The following VEPH1 variants were observed in gnomAD, a reference collection of about 807,000 sequenced individuals.
VEPH1 encodes ventricular zone-expressed PH domain-containing protein homolog 1.
In VEPH1, 80 loss-of-function variants were observed where a neutral mutation model predicts 85.2. The ratio of observed to expected loss-of-function variants is 0.94; its 90% CI spans 0.78 to 1.13. VEPH1 has a LOEUF of 1.13. VEPH1 is among the 50% of genes most tolerant of loss of function. VEPH1 has a pLI of 0.00. For missense variants in VEPH1, 955 were observed against 980.5 expected, an observed-to-expected ratio of 0.97 and a Z score of 0.35; for synonymous variants, 297 against 348.0, an observed-to-expected ratio of 0.85 and a Z score of 1.63.
intron 11 of VEPH1, among the ~76,000 whole-genome samples, chr3:157,293,298 G>A (rs1257243511): frequency 2.0e-5 from 3 of 152,194 alleles, no homozygotes; most frequent in Non-Finnish European, 4.4e-5. Context: ...CATGTGCTAT[G>A]TCCCATTGGC....
In VEPH1 at chr3:157,268,276, CA is replaced by C. The variant is rs150489979; in HGVS notation, c.2129-2615del. ...CTTGAGATCAGGAACAGCCTTAACA[CA>C]GTGCCTGCCGGGCTAGAGCCTCAGT... On this transcript the variant is annotated intron_variant, in intron 12 of 13. Transcript: ENST00000362010. 2.7e-3 allele frequency among the ~76,000 whole-genome samples: 407 copies of C among 152,254 alleles called. 5 individuals are homozygous for C. In the East Asian group the frequency reaches 0.043, roughly 16 times the overall value.
At chr3:157,376,439 G>A (rs1251380230) in intron 7 of VEPH1, among the ~76,000 whole-genome samples, 1 of 152,152 alleles carries the variant, frequency 6.6e-6, no homozygotes, top group African/African-American at 2.4e-5. Context: ...GATGTTGAAG[G>A]GTAGATAGGA....
At position 157,413,977 on chromosome 3, in the gene VEPH1, G is replaced by T; in HGVS notation, c.810C>A (p.Asn270Lys). The T allele has an allele frequency of 6.2e-7, 1 of 1,613,618 alleles. No individual in the cohort carries two copies. The change falls in exon 6 of 14, where the codon AAC (asparagine) becomes AAA (lysine). Residue 270 changes from asparagine to lysine, a missense_variant. By Grantham distance (94) the Asn-to-Lys change is moderately conservative. Transcript: ENST00000362010. ...TCTCTTTCAGCATTGGAAGAAAACT[G>T]TTCAAAGCCACTGGCTCATAGACTG... Reference protein sequence around the residue: ...EIAVYEPVALNSFLPMLKEIG... With the variant: ...EIAVYEPVALKSFLPMLKEIG...
At chr3:157,403,957 A>G (rs1730960525) in intron 6 of VEPH1, among the ~76,000 whole-genome samples, 1 of 152,096 alleles carries the variant, frequency 6.6e-6, no homozygotes, top group Non-Finnish European at 1.5e-5. Flanking sequence ...TCAATTATGG[A>G]TTCTGATTTA....
chr3:157,422,971 T>C (rs1425193080), intron 5 of VEPH1, among the ~76,000 whole-genome samples: 1 of 152,164 alleles, frequency 6.6e-6, no homozygotes, highest in Admixed American at 6.5e-5. Context: ...AAATCCAAGG[T>C]CAATGCCTGT....
chr3:157,361,966 C>G (rs542474147), intron 9 of VEPH1, among the ~76,000 whole-genome samples: 15 of 152,114 alleles, frequency 9.9e-5, no homozygotes, highest in Non-Finnish European at 2.2e-4. Flanking sequence ...TCCACTATGA[C>G]TCAGTAAGAC....
chr3:157,369,119 A>G (rs939017291), intron 7 of VEPH1, among the ~76,000 whole-genome samples: 11 of 147,226 alleles, frequency 7.5e-5, no homozygotes, highest in Non-Finnish European at 1.3e-4. Context: ...AACAACAACA[A>G]CCACCACAAA....
At chr3:157,433,825 G>A (rs868397596) in intron 4 of VEPH1, among the ~76,000 whole-genome samples, 74 of 152,292 alleles carry the variant, frequency 4.9e-4, no homozygotes, top group African/African-American at 1.7e-3. Flanking sequence ...ATGTTTGGTA[G>A]AACTTGTCCA....
chr3:157,427,779 A>C (rs547877740), intron 5 of VEPH1, among the ~76,000 whole-genome samples: 1 of 152,180 alleles, frequency 6.6e-6, no homozygotes, highest in Non-Finnish European at 1.5e-5. Flanking sequence ...TTATGTGTCA[A>C]CTTGACTGGG....
intron 6 of VEPH1, among the ~76,000 whole-genome samples, chr3:157,383,288 C>T (rs1728961458): frequency 6.6e-6 from 1 of 152,180 alleles, no homozygotes; most frequent in South Asian, 2.1e-4. Context: ...CACACAATCC[C>T]CCTCACCTTT....
At chr3:157,435,490 G>A (rs1733496991) in intron 4 of VEPH1, among the ~76,000 whole-genome samples, 1 of 152,298 alleles carries the variant, frequency 6.6e-6, no homozygotes, top group South Asian at 2.1e-4. Context: ...GAGTGGGATT[G>A]TACCTACTGA....
intron 1 of VEPH1, among the ~76,000 whole-genome samples, chr3:157,498,604 G>C (rs201390131): frequency 7.8e-6 from 1 of 127,542 alleles, no homozygotes; most frequent in Non-Finnish European, 1.9e-5. Flanking sequence ...GACTGTGTGA[G>C]ATAATTATTA....
chr3:157,341,601 T>G (rs1248834550), intron 9 of VEPH1, among the ~76,000 whole-genome samples: 4 of 152,152 alleles, frequency 2.6e-5, no homozygotes, highest in Non-Finnish European at 4.4e-5. Flanking sequence ...AAAACACTCT[T>G]CAGGATATTA....
intron 4 of VEPH1, among the ~76,000 whole-genome samples, chr3:157,433,642 A>C (rs1733335394): frequency 6.6e-6 from 1 of 152,232 alleles, no homozygotes; most frequent in South Asian, 2.1e-4. Flanking sequence ...TACTTTATTT[A>C]GAGCTGTTGC....
At position 157,265,849 on chromosome 3, in the gene VEPH1, A is replaced by G. The variant is rs115332982; in HGVS notation, c.2129-187T>C. Among the ~76,000 whole-genome samples, 848 of 152,124 alleles carry G rather than the reference A, an allele frequency of 5.6e-3. 16 individuals carry two copies. Among genetic ancestry groups the G allele is most frequent in the African/African-American group, 0.019 (797 of 41,478 alleles). On this transcript the variant is annotated intron_variant, in intron 12 of 13. Transcript: ENST00000362010. ...AAGAATGCACAATTCAGATATGACA[A>G]TGGAAAACTGTTGAAAGCCCTCATT...
intron 11 of VEPH1, among the ~76,000 whole-genome samples, chr3:157,306,521 A>G (rs1042450504): frequency 6.6e-6 from 1 of 152,080 alleles, no homozygotes; most frequent in African/African-American, 2.4e-5. Flanking sequence ...CCTGTATAAC[A>G]TGACTATACC....
chr3:157,316,956 G>A, intron 10 of VEPH1, 106 bp downstream of exon 10: 1 of 1,194,982 alleles, frequency 8.4e-7, no homozygotes, highest in Middle Eastern at 2.1e-4. Flanking sequence ...ATGTATTGCT[G>A]TTATCTACAT....
At chr3:157,421,747 A>G (rs1732355887) in intron 5 of VEPH1, among the ~76,000 whole-genome samples, 1 of 152,176 alleles carries the variant, frequency 6.6e-6, no homozygotes, top group Non-Finnish European at 1.5e-5. Flanking sequence ...CAGAGCACGA[A>G]GAGCCGAGGG....
At chr3:157,340,634 T>A (rs949375391) in intron 9 of VEPH1, among the ~76,000 whole-genome samples, 1 of 152,212 alleles carries the variant, frequency 6.6e-6, no homozygotes, top group African/African-American at 2.4e-5. Context: ...CAGAAACTTC[T>A]GCAAACTTAA....
Sources: allele counts gnomAD v4.1 joint callset (sites outside exome capture counted in the v4.1 genomes callset), GRCh38; gene constraint gnomAD v4.1.1; transcripts MANE v1.5; gene names NCBI Gene and HGNC (gene_info 2026-07-23, HGNC 2026-07-21).